MPRIP: variants seen among roughly 807,000 people sequenced by gnomAD.
MPRIP encodes the protein myosin phosphatase Rho-interacting protein.
Under a neutral mutation model 234.9 loss-of-function variants are expected in MPRIP, and 59 were observed. That is an observed-to-expected ratio of 0.25 (90% CI 0.20 to 0.31). MPRIP has a LOEUF of 0.31. MPRIP is among the 10% of genes least tolerant of loss of function. The probability of loss-of-function intolerance (pLI) is 1.00; values close to 1 mark genes in which losing one functional copy is unlikely to be tolerated. For missense variants in MPRIP, 2,436 were observed against 3,071.0 expected (o/e 0.79, Z 4.89); for synonymous variants, 1,144 against 1,263.9 (o/e 0.91, Z 2.01).
At position 17,078,677 on chromosome 17, in the gene MPRIP, G is replaced by C. The variant is rs1362173946; in HGVS notation, c.267+601G>C. 1.3e-5 allele frequency among the ~76,000 whole-genome samples: 2 copies of C among 152,212 alleles called. No individual in the cohort carries two copies. The highest frequency in any genetic ancestry group is 2.9e-5 in the Non-Finnish European group (2 of 68,034). On this transcript the variant is annotated intron_variant, in intron 3 of 23. Transcript: ENST00000651222. The surrounding 1 kb of genome is among the most constrained non-coding windows in gnomAD (Gnocchi z 4.3). ...TTCCTGGGCTGGATGAGTGTTTGCT[G>C]CTGTTGCCCCAGAGGCCAAACCTGA...
chr17:17,057,837 C>CT (rs1405982134), intron 1 of MPRIP: 2 of 619,076 alleles, frequency 3.2e-6, no homozygotes, highest in Admixed American at 2.7e-5. Flanking sequence ...CTGATATACT[C>CT]TAATACTTGC....
At chr17:17,080,688 A>C (rs955234287) in intron 3 of MPRIP, among the ~76,000 whole-genome samples, 1 of 152,212 alleles carries the variant, frequency 6.6e-6, no homozygotes, top group African/African-American at 2.4e-5. Flanking sequence ...CCAGCCCAAA[A>C]TGTCAACAGT....
intron 3 of MPRIP, among the ~76,000 whole-genome samples, chr17:17,091,514 A>G (rs571416061): frequency 6.6e-6 from 1 of 152,134 alleles, no homozygotes; most frequent in Non-Finnish European, 1.5e-5. Context: ...AGCCCAGCAG[A>G]TGCTCTCGTG....
chr17:17,135,452 A>G (rs1347212636), intron 5 of MPRIP, among the ~76,000 whole-genome samples: 1 of 152,210 alleles, frequency 6.6e-6, no homozygotes, highest in African/African-American at 2.4e-5. Flanking sequence ...TGCAGATTCA[A>G]GTGGGGTATT....
chr17:17,137,500 G>A (rs1401894647), intron 6 of MPRIP, among the ~76,000 whole-genome samples: 1 of 137,528 alleles, frequency 7.3e-6, no homozygotes, highest in Non-Finnish European at 1.6e-5. Flanking sequence ...GCGACAGAGC[G>A]AGATTGCATC....
intron 1 of MPRIP, among the ~76,000 whole-genome samples, chr17:17,061,087 T>G (rs936331678): frequency 6.6e-6 from 1 of 152,110 alleles, no homozygotes; most frequent in Non-Finnish European, 1.5e-5. Flanking sequence ...GTGAGGCAGG[T>G]GGGCACAGCT....
chr17:17,081,867 A>C (rs905080206), intron 3 of MPRIP, among the ~76,000 whole-genome samples: 3 of 152,094 alleles, frequency 2.0e-5, no homozygotes, highest in South Asian at 4.2e-4. Flanking sequence ...AGGAGAGGCA[A>C]ATTTCCCGAA....
Position 17,161,315 on chromosome 17 carries a change from C to G in MPRIP, c.2476C>G (p.Leu826Val), listed in dbSNP as rs774304352. ...CCTGCAGGACCAGCTGAGGGTGGCC[C>G]TGGGCCGGGAGCAGAGCGCCCGTGA... is the stretch of plus-strand genomic sequence containing the variant. ...RLLQDQLRVA[L>V]GREQSAREGY... Residue 826 changes from leucine to valine, a missense_variant, in exon 15 of 24, where the codon CTG (leucine) becomes GTG (valine). Transcript: ENST00000651222. 5 of 1,593,470 alleles carry G rather than the reference C, an allele frequency of 3.1e-6. No homozygotes were observed. The highest frequency in any genetic ancestry group is 4.3e-6 in the Non-Finnish European group (5 of 1,167,818).
chr17:17,154,818 C>T (rs993402439), intron 13 of MPRIP, among the ~76,000 whole-genome samples: 7 of 151,992 alleles, frequency 4.6e-5, no homozygotes, highest in Admixed American at 3.3e-4. Flanking sequence ...GCTTCTTTGT[C>T]TTGGCCTTCT....
chr17:17,177,196 A>G (rs1404503582), intron 21 of MPRIP, 54 bp from the exon 22 acceptor site: 21 of 1,555,372 alleles, frequency 1.4e-5, no homozygotes, highest in Non-Finnish European at 1.9e-5. Context: ...GCCATGTTGT[A>G]TGTGCTCCTC....
In MPRIP at chr17:17,166,668, A is replaced by ACCCTGCGGGGCACCCAGACGG. The variant is rs1376728794; in HGVS notation, c.5086_5106dup (p.Gly1696_Arg1702dup). Reference sequence around the variant, plus strand: ...CCGCAGGCTACAGAGCATCCAGGAGACCCTGCGGGGCACCCAGACGGCCCT... The same window carrying ACCCTGCGGGGCACCCAGACGG: ...CCGCAGGCTACAGAGCATCCAGGAGACCCTGCGGGGCACCCAGACGGCCCTGCGGGGCACCCAGACGGCCCT... On this transcript the variant is annotated inframe_insertion, in exon 16 of 24. Coordinates refer to ENST00000651222, the MANE Select transcript of MPRIP (RefSeq NM_001364716.4). The surrounding 1 kb of genome is among the most constrained non-coding windows in gnomAD (Gnocchi z 4.4). 1 of 1,304,036 alleles carries ACCCTGCGGGGCACCCAGACGG rather than the reference A, an allele frequency of 7.7e-7. No homozygotes were observed. The highest frequency in any genetic ancestry group is 2.3e-5 in the Admixed American group (1 of 43,576). 80.8% of individuals were successfully genotyped at this position (1,304,036 alleles called of 1,614,324 possible).
intron 23 of MPRIP, chr17:17,180,761 C>A: frequency 7.7e-7 from 1 of 1,304,874 alleles, no homozygotes; most frequent in South Asian, 1.2e-5. Flanking sequence ...TCATCCTGCT[C>A]CAACAAACAC....
chr17:17,157,898 A>T (rs995773791), intron 13 of MPRIP, among the ~76,000 whole-genome samples: 1 of 152,118 alleles, frequency 6.6e-6, no homozygotes, highest in African/African-American at 2.4e-5. Context: ...CCTTCTAGAA[A>T]GTGCTAGTTT....
intron 5 of MPRIP, 21 bp downstream of exon 5, chr17:17,131,722 A>C (rs2271520): frequency 2.5e-6 from 4 of 1,612,278 alleles, no homozygotes; most frequent in Non-Finnish European, 3.4e-6. Context: ...GGTTTGCCAG[A>C]TGGCATCCCC....
chr17:17,152,930 C>T (rs1481561041), intron 12 of MPRIP, among the ~76,000 whole-genome samples: 1 of 152,180 alleles, frequency 6.6e-6, no homozygotes, highest in East Asian at 1.9e-4. Context: ...GGGGGATCCC[C>T]TGGAATTCCG....
chr17:17,050,488 G>A (rs967249985), intron 1 of MPRIP, among the ~76,000 whole-genome samples: 3 of 152,168 alleles, frequency 2.0e-5, no homozygotes, highest in Admixed American at 6.5e-5. Flanking sequence ...TAGCCTGGTG[G>A]TGTGGCCGCT....
intron 16 of MPRIP, chr17:17,171,047 G>A (rs1255558507): frequency 6.6e-6 from 1 of 152,218 alleles, no homozygotes; most frequent in African/African-American, 2.4e-5. Context: ...CAGGCTAGAA[G>A]GAAGGGGAGC....
At chr17:17,134,747 G>C (rs189884401) in intron 5 of MPRIP, among the ~76,000 whole-genome samples, 2 of 152,238 alleles carry the variant, frequency 1.3e-5, no homozygotes, top group Admixed American at 1.3e-4. Flanking sequence ...AGACCCCCAT[G>C]CTGCCCCTCA....
chr17:17,178,894 G>C (rs1466254155), intron 22 of MPRIP: 1 of 152,170 alleles, frequency 6.6e-6, no homozygotes, highest in African/African-American at 2.4e-5. Flanking sequence ...ACTCCAGCCT[G>C]GGTGACAGAA....
Sources: allele counts gnomAD v4.1 joint callset (sites outside exome capture counted in the v4.1 genomes callset), GRCh38; gene constraint gnomAD v4.1.1; non-coding constraint Gnocchi (gnomAD v3.1); transcripts MANE v1.5; gene names NCBI Gene and HGNC (gene_info 2026-07-23, HGNC 2026-07-21).